Variants in MET observed in about 807,000 individuals in gnomAD.
The protein encoded by MET is MET proto-oncogene, receptor tyrosine kinase.
MET carries 48 observed loss-of-function variants against 133.1 expected under a neutral mutation model. The ratio of observed to expected loss-of-function variants is 0.36; its 90% confidence interval spans 0.29 to 0.46. MET has a LOEUF of 0.46. Among genes scored for constraint, MET ranks in the 20% least tolerant of loss-of-function variants. MET has a pLI of 1.00. For missense variants in MET, 1,442 were observed against 1,695.9 expected, an observed-to-expected ratio of 0.85 and a Z score of 2.63; for synonymous variants, 628 against 616.5, an observed-to-expected ratio of 1.02 and a Z score of -0.28.
intron 14 of MET, among the ~76,000 whole-genome samples, chr7:116,772,677 A>C (rs902753986): frequency 6.6e-6 from 1 of 152,256 alleles, no homozygotes; most frequent in African/African-American, 2.4e-5. Flanking sequence ...AGTCAAGTAC[A>C]AGCATTTCCT....
At chr7:116,726,588 C>T (rs1214869117) in intron 2 of MET, among the ~76,000 whole-genome samples, 1 of 152,098 alleles carries the variant, frequency 6.6e-6, no homozygotes, top group Non-Finnish European at 1.5e-5. Context: ...GAATGGGTGT[C>T]AGTGACTGTG....
chr7:116,672,911 C>T lies in MET; in HGVS notation c.-15+334C>T, dbSNP rs146443768. 6.4e-4 allele frequency among the ~76,000 whole-genome samples: 98 copies of T among 152,252 alleles called. No individual in the cohort carries two copies. In the East Asian group the frequency reaches 0.01, roughly 16 times the overall value. Reference sequence around the variant, plus strand: ...CCCTTACAAAAGGGATCCGGTCATCCTCGTCCCACCGTGATGCAGCTGGCA... The same window carrying T: ...CCCTTACAAAAGGGATCCGGTCATCTTCGTCCCACCGTGATGCAGCTGGCA... On this transcript the variant is annotated intron_variant, in intron 1 of 20. Coordinates refer to ENST00000397752, the MANE Select transcript of MET (RefSeq NM_000245.4).
In MET at chr7:116,758,484, T is replaced by C. The variant is rs1794273981; in HGVS notation, c.2128T>C (p.Tyr710His). 1.2e-6 allele frequency: 2 copies of C among 1,613,758 alleles called. No homozygotes were observed. The highest frequency in any genetic ancestry group is 2.7e-5 in the African/African-American group (2 of 74,922). Residue 710 changes from tyrosine (Y) to histidine (H), a missense_variant, in exon 9 of 21, where the codon TAT becomes CAT. By Grantham distance (83) the Tyr-to-His change is moderately conservative. This residue lies in a region of MET where 514 missense variants were observed against 659.6 expected (regional missense o/e 0.78). Coordinates refer to ENST00000397752, the MANE Select transcript of MET (RefSeq NM_000245.4). ...TGTGTCAAACAGTATTCTTGAATGT[T>C]ATACCCCAGCCCAAACCATTTCAAC... ...KSVSNSILEC[Y>H]TPAQTISTEF...
In MET at chr7:116,780,706, T is replaced by G. The variant is rs536656033; in HGVS notation, c.3523-1282T>G. 2.0e-5 allele frequency among the ~76,000 whole-genome samples: 3 copies of G among 152,350 alleles called. No homozygotes were observed. The East Asian group carries it at 5.8e-4, about 29-fold the overall frequency. On this transcript the variant is annotated intron_variant, in intron 17 of 20. Transcript: ENST00000397752. ...AAAACCAGGAACTGGCCTTTCTCTA[T>G]GCTGTGTGCATTGAGTGGGGCTACA...
intron 4 of MET, 33 bp from the exon 5 acceptor site, chr7:116,740,818 CT>C: frequency 6.2e-7 from 1 of 1,612,440 alleles, no homozygotes; most frequent in South Asian, 1.1e-5. Flanking sequence ...CTAGATACCC[CT>C]CTGGAAGCTC....
intron 5 of MET, among the ~76,000 whole-genome samples, chr7:116,752,389 G>T (rs186531870): frequency 6.6e-6 from 1 of 152,276 alleles, no homozygotes; most frequent in East Asian, 1.9e-4. Context: ...CTACTTTTGT[G>T]GCTGTATCTC....
intron 19 of MET, among the ~76,000 whole-genome samples, chr7:116,788,493 C>T (rs562170390): frequency 6.8e-4 from 104 of 152,310 alleles, no homozygotes; most frequent in African/African-American, 2.5e-3. Flanking sequence ...CAAACACACA[C>T]AGACAGCACA....
intron 2 of MET, among the ~76,000 whole-genome samples, chr7:116,715,703 C>T (rs1213285514): frequency 6.6e-6 from 1 of 152,144 alleles, no homozygotes; most frequent in Non-Finnish European, 1.5e-5. Context: ...TATGTGTTTT[C>T]CCACTTTACA....
At chr7:116,762,781 T>G (rs911176396) in intron 10 of MET, among the ~76,000 whole-genome samples, 1 of 151,918 alleles carries the variant, frequency 6.6e-6, no homozygotes, top group Non-Finnish European at 1.5e-5. Flanking sequence ...TTAAGGAAAA[T>G]AAAATGATGA....
At chr7:116,689,138 A>G (rs1049073147) in intron 1 of MET, among the ~76,000 whole-genome samples, 6 of 149,948 alleles carry the variant, frequency 4.0e-5, no homozygotes, top group African/African-American at 1.5e-4. Flanking sequence ...TGCCACATAC[A>G]GTACAACTAT....
intron 6 of MET, among the ~76,000 whole-genome samples, chr7:116,755,838 G>A (rs952662891): frequency 1.3e-5 from 2 of 152,152 alleles, no homozygotes; most frequent in Admixed American, 1.3e-4. Context: ...TTCATCCTTG[G>A]AGTCTTCAAA....
At chr7:116,747,306 G>T (rs1793730062) in intron 5 of MET, among the ~76,000 whole-genome samples, 1 of 152,130 alleles carries the variant, frequency 6.6e-6, no homozygotes, top group African/African-American at 2.4e-5. Flanking sequence ...TAGGCTAAAT[G>T]CCCCAATTAA....
At chr7:116,687,975 T>C (rs562721764) in intron 1 of MET, among the ~76,000 whole-genome samples, 2 of 152,334 alleles carry the variant, frequency 1.3e-5, no homozygotes, top group Admixed American at 6.5e-5. Context: ...TGATATCTGC[T>C]TTCGATAACA....
intron 5 of MET, among the ~76,000 whole-genome samples, chr7:116,745,226 T>C (rs886437993): frequency 4.6e-5 from 7 of 152,116 alleles, no homozygotes; most frequent in Non-Finnish European, 1.0e-4. Context: ...TTACAAGGGA[T>C]GTGAAGGACC....
intron 19 of MET, among the ~76,000 whole-genome samples, chr7:116,787,792 G>A (rs1795363826): frequency 6.6e-6 from 1 of 152,184 alleles, no homozygotes; most frequent in Non-Finnish European, 1.5e-5. Context: ...GATTTGAATA[G>A]ACATTTTACC....
chr7:116,697,993 G>T (rs903157711), intron 1 of MET, among the ~76,000 whole-genome samples: 17 of 152,288 alleles, frequency 1.1e-4, no homozygotes, highest in African/African-American at 3.8e-4. Context: ...TTCTGATGTG[G>T]TTTTTGTAGA....
At chr7:116,787,972 A>G (rs1386257299) in intron 19 of MET, among the ~76,000 whole-genome samples, 4 of 152,238 alleles carry the variant, frequency 2.6e-5, no homozygotes, top group Non-Finnish European at 2.9e-5. Context: ...TGGTGTGTCC[A>G]TACAATGGAC....
At chr7:116,795,547 C>A (rs114392631) in intron 19 of MET, 108 bp from the exon 20 acceptor site, 17 of 1,446,988 alleles carry the variant, frequency 1.2e-5, no homozygotes, top group African/African-American at 1.4e-5. Flanking sequence ...AAACAGAAAC[C>A]GTATTGAGTA....
At chr7:116,708,305 G>T (rs1043059956) in intron 2 of MET, among the ~76,000 whole-genome samples, 3 of 152,068 alleles carry the variant, frequency 2.0e-5, no homozygotes, top group African/African-American at 4.8e-5. Context: ...CTTTAAAAAA[G>T]CAATACGTCT....
Sources: gnomAD v4.1 joint callset for allele counts (sites outside exome capture counted in the v4.1 genomes callset) on GRCh38, gnomAD v4.1.1 for gene constraint, gnomAD v4.1.1 regional missense constraint, MANE v1.5 for transcripts, NCBI Gene and HGNC (gene_info 2026-07-23, HGNC 2026-07-21) for gene names.